The following RASGRP4 variants were observed in gnomAD, a reference collection of about 807,000 sequenced individuals.
RASGRP4 encodes the protein RAS guanyl-releasing protein 4.
RASGRP4 carries 52 observed loss-of-function variants against 84.4 expected under a neutral mutation model. The ratio of observed to expected loss-of-function variants is 0.62; its 90% CI spans 0.49 to 0.78. The LOEUF (loss-of-function observed/expected upper bound fraction) is 0.78, where lower values mean the gene tolerates loss of function less well. Among genes scored for constraint, RASGRP4 ranks in the 30% least tolerant of loss-of-function variants. The pLI is 0.00. For missense variants in RASGRP4, 760 were observed against 886.9 expected (o/e 0.86, Z 1.82); for synonymous variants, 356 against 359.1 (o/e 0.99, Z 0.10).
intron 16 of RASGRP4, 149 bp downstream of exon 16, chr19:38,410,737 G>C: frequency 1.6e-6 from 1 of 620,360 alleles, no homozygotes; most frequent in Non-Finnish European, 2.9e-6. Context: ...ATATTAAAAA[G>C]TAACCAGTAT....
Position 38,422,159 on chromosome 19 carries a change from G to A in RASGRP4, c.24-6C>T. ...TGCATTCCTGGTGGGACTTCCTGTG[G>A]GCACAGCCCCCAAGGAGTCATGGGA... On this transcript the variant is annotated splice_region_variant and splice_polypyrimidine_tract_variant and intron_variant, in intron 1 of 16. Coordinates refer to ENST00000615439, the MANE Select transcript of RASGRP4 (RefSeq NM_170604.3). 6.2e-7 allele frequency: 1 copy of A among 1,605,422 alleles called. No individual in the cohort carries two copies.
intron 16 of RASGRP4, 87 bp downstream of exon 16, chr19:38,410,799 A>G (rs1971209072): frequency 2.1e-6 from 2 of 933,640 alleles, no homozygotes; most frequent in East Asian, 2.6e-5. Flanking sequence ...TGTACTTTCT[A>G]TGGGTCTCCA....
At position 38,413,519 on chromosome 19, in the gene RASGRP4, G is replaced by T; in HGVS notation, c.1231-45C>A. The T allele has an allele frequency of 3.3e-6, 5 of 1,500,548 alleles. No individual in the cohort carries two copies. In the South Asian group the frequency reaches 6.0e-5, roughly 18 times the overall value. 93.0% of individuals were successfully genotyped at this position (1,500,548 alleles called of 1,614,324 possible). On this transcript the variant is annotated intron_variant, in intron 9 of 16. Transcript: ENST00000615439. This position sits in a 1 kb window ranked among gnomAD's most constrained non-coding sequence, Gnocchi z 4.7. ...TACGGATCCTCCCATCTATAGCCCT[G>T]CCCCAGACCCCCACACCCACTCGCA...
At position 38,415,140 on chromosome 19, in the gene RASGRP4, T is replaced by G; in HGVS notation, c.955-17A>C. ...CAGGAGGGCCTGGGGAGGAGGGACA[T>G]GGGATTGGGGCGTTATCAGGACAGT... On this transcript the variant is annotated splice_polypyrimidine_tract_variant and intron_variant, in intron 8 of 16. Coordinates refer to ENST00000615439, the MANE Select transcript of RASGRP4 (RefSeq NM_170604.3). 6.3e-7 allele frequency: 1 copy of G among 1,575,510 alleles called. No individual in the cohort carries two copies. Among genetic ancestry groups the G allele is most frequent in the East Asian group, 2.3e-5 (1 of 43,650 alleles).
rs940278361 is a variant in RASGRP4 at position 38,413,805 on chromosome 19, C to A, written c.1231-331G>T. Among the ~76,000 whole-genome samples the A allele has an allele frequency of 1.2e-4, 18 of 152,150 alleles. No individual in the cohort carries two copies. The highest frequency in any genetic ancestry group is 6.5e-5 in the Admixed American group (1 of 15,276). On this transcript the variant is annotated intron_variant, in intron 9 of 16. Transcript: ENST00000615439. This position sits in a 1 kb window ranked among gnomAD's most constrained non-coding sequence, Gnocchi z 4.7. ...GGCTATCAGCATGAGAAGCTCAGAA[C>A]CTTGGAGTTTAAGAATGTGAACCCC...
Position 38,409,796 on chromosome 19 carries a change from T to C in RASGRP4, c.*244A>G. 2.6e-6 allele frequency: 1 copy of C among 388,888 alleles called. No homozygotes were observed. Among genetic ancestry groups the C allele is most frequent in the Non-Finnish European group, 4.6e-6 (1 of 215,812 alleles). 24.1% of individuals were successfully genotyped at this position (388,888 alleles called of 1,614,324 possible). On this transcript the variant is annotated 3_prime_UTR_variant, in exon 17 of 17. Transcript: ENST00000615439. ...GTAGAATGAGGCCTGAGTCTAAATG[T>C]ATCCAACACACAGCCGCACAGATAC...
rs926887618 is a variant in RASGRP4 at position 38,422,262 on chromosome 19, G to A, written c.24-109C>T. On this transcript the variant is annotated intron_variant, in intron 1 of 16. Transcript: ENST00000615439. The stretch of plus-strand genomic sequence containing the variant: ...GCACCACGGGAGAGGCTTCCTAAAG[G>A]CAAAGCCCCAGGGTTACCCCTGACC... 2.1e-5 allele frequency: 22 copies of A among 1,024,548 alleles called. No homozygotes were observed. The African/African-American group carries it at 3.4e-4, about 16-fold the overall frequency. 63.5% of individuals were successfully genotyped at this position (1,024,548 alleles called of 1,614,324 possible).
chr19:38,417,373 C>T lies in RASGRP4; in HGVS notation c.838-205G>A, dbSNP rs367748506. On this transcript the variant is annotated intron_variant, in intron 7 of 16. Coordinates refer to ENST00000615439, the MANE Select transcript of RASGRP4 (RefSeq NM_170604.3). This position sits in a 1 kb window ranked among gnomAD's most constrained non-coding sequence, Gnocchi z 5.1. ...AGGGGTGTCAGATGGCTATCTGAGC[C>T]GGGAGGGTCAAGCAAGTGATTGACT... 3.3e-5 allele frequency among the ~76,000 whole-genome samples: 5 copies of T among 151,968 alleles called. No individual in the cohort carries two copies. Among genetic ancestry groups the T allele is most frequent in the Non-Finnish European group, 7.4e-5 (5 of 67,980 alleles).
In RASGRP4 at chr19:38,417,308, G is replaced by A. The variant is rs1178571405; in HGVS notation, c.838-140C>T. On this transcript the variant is annotated intron_variant, in intron 7 of 16. Coordinates refer to ENST00000615439, the MANE Select transcript of RASGRP4 (RefSeq NM_170604.3). This position sits in a 1 kb window ranked among gnomAD's most constrained non-coding sequence, Gnocchi z 5.1. ...ATCAGACAGGTGAGAGAAGGCGGGT[G>A]TGTGCGGCAAGAGTGGGACATGCCA... 3 of 654,766 alleles carry A rather than the reference G, an allele frequency of 4.6e-6. No homozygotes were observed. The African/African-American group carries it at 5.3e-5, about 12-fold the overall frequency. The allele number at this position is 654,766 out of a possible 1,614,324, so 40.6% of individuals were successfully genotyped here.
chr19:38,415,181 G>GC, intron 8 of RASGRP4, 58 bp from the exon 9 acceptor site: 1 of 1,473,130 alleles, frequency 6.8e-7, no homozygotes, highest in Non-Finnish European at 9.1e-7. Flanking sequence ...CCCCTGAGCA[G>GC]CCTCCTGTGT....
chr19:38,420,132 G>A lies in RASGRP4; in HGVS notation c.508C>T (p.Leu170Phe). The A allele has an allele frequency of 6.2e-7, 1 of 1,612,628 alleles. No homozygotes were observed. Residue 170 changes from leucine to phenylalanine, a missense_variant and splice_region_variant, in exon 5 of 17, where the codon CTC (leucine) becomes TTC (phenylalanine). Physicochemically the swap from Leu to Phe is conservative, Grantham distance 22 (BLOSUM62 0). Coordinates refer to ENST00000615439, the MANE Select transcript of RASGRP4 (RefSeq NM_170604.3). ...GAGGGGAGCACAGGGCTGACTCACA[G>A]GTCAGAAGAGTCTCCCAGTCTTCTC... is the stretch of plus-strand genomic sequence containing the variant. ...AQRRLGDSSD[L>F]LSPGGPGPPL...
chr19:38,414,901 G>T lies in RASGRP4; in HGVS notation c.1177C>A (p.Gln393Lys). ...YLRLQELVALQGQHPPCSANE... is the reference protein window; with the variant it reads ...YLRLQELVALKGQHPPCSANE... ...GCGCTGCAGGGTGGATGCTGCCCTTGGAGGGCCACCAGCTCCTGCAGCCGC... is the reference window on the plus strand; with the variant it reads ...GCGCTGCAGGGTGGATGCTGCCCTTTGAGGGCCACCAGCTCCTGCAGCCGC... Residue 393 changes from glutamine to lysine, a missense_variant, in exon 9 of 17, where the codon CAA becomes AAA. Transcript: ENST00000615439. 1.9e-6 allele frequency: 3 copies of T among 1,609,150 alleles called. No homozygotes were observed. Among genetic ancestry groups the T allele is most frequent in the East Asian group, 2.2e-5 (1 of 44,696 alleles).
At chr19:38,424,617 G>T (rs1023952349) in intron 1 of RASGRP4, among the ~76,000 whole-genome samples, 1 of 73,276 alleles carries the variant, frequency 1.4e-5, no homozygotes, top group African/African-American at 5.1e-5. Context: ...GTGTGTCAAT[G>T]GGGGGGGGGG....
Position 38,418,199 on chromosome 19 carries a change from G to C in RASGRP4, c.837+192C>G, listed in dbSNP as rs970717910. On this transcript the variant is annotated intron_variant, in intron 7 of 16. Transcript: ENST00000615439. This position sits in a 1 kb window ranked among gnomAD's most constrained non-coding sequence, Gnocchi z 4.6. ...CAAGGGGTGGGGCCACGGTGGGTGCGACGCGGTGACATCAAGGCCAAAGAA... is the reference window on the plus strand; with the variant it reads ...CAAGGGGTGGGGCCACGGTGGGTGCCACGCGGTGACATCAAGGCCAAAGAA... Among the ~76,000 whole-genome samples, 111 of 151,888 alleles carry C rather than the reference G, an allele frequency of 7.3e-4. 1 individual carries two copies. The highest frequency in any genetic ancestry group is 3.8e-4 in the Non-Finnish European group (26 of 67,936).
Position 38,414,919 on chromosome 19 carries a change from G to A in RASGRP4, c.1159C>T (p.Gln387Ter). Reference sequence around the variant, plus strand: ...TGCCCTTGGAGGGCCACCAGCTCCTGCAGCCGCAGGTAGAGGTTGTTCAGC... The same window carrying A: ...TGCCCTTGGAGGGCCACCAGCTCCTACAGCCGCAGGTAGAGGTTGTTCAGC... ...PKLNNLYLRL[Q>*]ELVALQGQHP... Residue 387 changes from glutamine (Q) to a stop codon, truncating the protein, a stop_gained, in exon 9 of 17, where the codon CAG (glutamine) becomes TAG (stop). Transcript: ENST00000615439. LOFTEE classifies it high-confidence loss of function. 1 of 1,611,958 alleles carries A rather than the reference G, an allele frequency of 6.2e-7. No individual in the cohort carries two copies. Among genetic ancestry groups the A allele is most frequent in the Non-Finnish European group, 8.5e-7 (1 of 1,179,268 alleles).
In RASGRP4 at chr19:38,421,108, G is replaced by A. The variant is rs572991560; in HGVS notation, c.301C>T (p.Arg101Cys). The A allele has an allele frequency of 7.1e-5, 114 of 1,613,662 alleles. No homozygotes were observed. The East Asian group carries it at 2.0e-3, about 29-fold the overall frequency. The change falls in exon 3 of 17, where the codon CGC becomes TGC. Residue 101 changes from arginine to cysteine, a missense_variant. Physicochemically the swap from Arg to Cys is radical, Grantham distance 180. Transcript: ENST00000615439. ...CCTGGAGGATATGAGGTCAGCAGGC[G>A]GGCAGCCAGGTCGGCGGACGGCAGC... ...WVLPSADLAA[R>C]LLTSYQKATG...
At chr19:38,410,515 T>C (rs1314505664) in intron 16 of RASGRP4, among the ~76,000 whole-genome samples, 2 of 151,224 alleles carry the variant, frequency 1.3e-5, no homozygotes, top group Admixed American at 1.3e-4. Flanking sequence ...CGGGCTCAAG[T>C]GATTCTCCTG....
intron 16 of RASGRP4, 129 bp downstream of exon 16, chr19:38,410,757 C>T: frequency 1.5e-6 from 1 of 679,756 alleles, no homozygotes; most frequent in Non-Finnish European, 2.6e-6. Flanking sequence ...TCCATACCCT[C>T]CTACCCCAGC....
chr19:38,419,330 G>A (rs185543488), intron 6 of RASGRP4, among the ~76,000 whole-genome samples: 5 of 152,306 alleles, frequency 3.3e-5, no homozygotes, highest in South Asian at 2.1e-4. Context: ...GGAAACTGAG[G>A]CACCATGAAT....
Sources: gnomAD v4.1 joint callset for allele counts (sites outside exome capture counted in the v4.1 genomes callset) on GRCh38, gnomAD v4.1.1 for gene constraint, Gnocchi (gnomAD v3.1) non-coding constraint, MANE v1.5 for transcripts, NCBI Gene and HGNC (gene_info 2026-07-23, HGNC 2026-07-21) for gene names.